RNF220: variants seen among roughly 807,000 people sequenced by gnomAD.
RNF220 encodes E3 ubiquitin-protein ligase RNF220.
Under a neutral mutation model 67.1 loss-of-function variants are expected in RNF220, and 7 were observed. The ratio of observed to expected loss-of-function variants is 0.10; its 90% confidence interval spans 0.06 to 0.20. The LOEUF (loss-of-function observed/expected upper bound fraction) is 0.20. Ranked by LOEUF, RNF220 falls within the 10% of genes least tolerant of loss-of-function variation. The probability of loss-of-function intolerance (pLI) is 1.00; values close to 1 mark genes in which losing one functional copy is unlikely to be tolerated. For missense variants in RNF220, 565 were observed against 740.3 expected, an observed-to-expected ratio of 0.76 and a Z score of 2.75; for synonymous variants, 270 against 283.2, an observed-to-expected ratio of 0.95 and a Z score of 0.47.
At chr1:44,579,908 G>A (rs981445167) in intron 2 of RNF220, among the ~76,000 whole-genome samples, 1 of 151,524 alleles carries the variant, frequency 6.6e-6, no homozygotes. Flanking sequence ...GCGTGCATCT[G>A]TAGTCCCAGC....
chr1:44,503,795 G>A (rs12092359), intron 2 of RNF220, among the ~76,000 whole-genome samples: 8 of 152,186 alleles, frequency 5.3e-5, no homozygotes, highest in Middle Eastern at 3.4e-3. Flanking sequence ...ATCCTCAGGC[G>A]CCACCCTAGG....
At chr1:44,609,558 G>A (rs1466872983) in intron 2 of RNF220, among the ~76,000 whole-genome samples, 1 of 152,204 alleles carries the variant, frequency 6.6e-6, no homozygotes, top group Admixed American at 6.5e-5. Context: ...TGTGGAAGAT[G>A]GCAGGGAAGG....
chr1:44,569,262 G>T lies in RNF220; in HGVS notation c.626-44903G>T, dbSNP rs529049907. Among the ~76,000 whole-genome samples, 9 of 152,206 alleles carry T rather than the reference G, an allele frequency of 5.9e-5. No individual in the cohort carries two copies. The East Asian group carries it at 1.3e-3, about 23-fold the overall frequency. On this transcript the variant is annotated intron_variant, in intron 2 of 14. Coordinates refer to ENST00000361799, the MANE Select transcript of RNF220 (RefSeq NM_018150.4). ...TTATTATAAAGAATTATTGCCATTA[G>T]TACGTCTTTCCTACTGAAAGGAGAA...
intron 2 of RNF220, among the ~76,000 whole-genome samples, chr1:44,464,375 G>A (rs1174708142): frequency 1.3e-5 from 2 of 152,228 alleles, no homozygotes; most frequent in Non-Finnish European, 2.9e-5. Flanking sequence ...AGAAGCCCAA[G>A]AGACCAAGGC....
rs758955125 is a variant in RNF220, at chr1:44,645,236, C to T, written c.1326C>T (p.Ser442=). 22 of 1,614,118 alleles carry T rather than the reference C, an allele frequency of 1.4e-5. No individual in the cohort carries two copies. Among genetic ancestry groups the T allele is most frequent in the Non-Finnish European group, 1.7e-5 (20 of 1,180,030 alleles). ...TTTCCTCCAGTGGCGGCCCTCCCAG[C>T]ACGCGCATCACACCTGAGTTCTCTA... is the stretch of plus-strand genomic sequence containing the variant. The part of the protein sequence containing the change: ...RGAVLNGGPP[S]TRITPEFSKW... The change falls in exon 11 of 15, where the codon AGC becomes AGT. Residue 442 remains serine (S), a synonymous_variant. Transcript: ENST00000361799. This position sits in a 1 kb window ranked among gnomAD's most constrained non-coding sequence, Gnocchi z 5.0.
At position 44,469,197 on chromosome 1, in the gene RNF220, C is replaced by T. The variant is rs116075680; in HGVS notation, c.625+56475C>T. ...GGGAATCCTTTGGAGAAGAATTGAACTCTATTATTAGATGTGTTTAAGTAG... is the reference window on the plus strand; with the variant it reads ...GGGAATCCTTTGGAGAAGAATTGAATTCTATTATTAGATGTGTTTAAGTAG... On this transcript the variant is annotated intron_variant, in intron 2 of 14. Transcript: ENST00000361799. Among the ~76,000 whole-genome samples, 607 of 152,278 alleles carry T rather than the reference C, an allele frequency of 4.0e-3. 5 individuals carry two copies. Among genetic ancestry groups the T allele is most frequent in the African/African-American group, 0.014 (585 of 41,562 alleles).
chr1:44,545,023 C>T (rs921935431), intron 2 of RNF220, among the ~76,000 whole-genome samples: 2 of 152,202 alleles, frequency 1.3e-5, no homozygotes, highest in Non-Finnish European at 2.9e-5. Flanking sequence ...GGAATAGAGC[C>T]ACAAACAAAG....
chr1:44,423,019 G>A (rs1171967503), intron 2 of RNF220, among the ~76,000 whole-genome samples: 1 of 152,208 alleles, frequency 6.6e-6, no homozygotes, highest in Non-Finnish European at 1.5e-5. Context: ...ATAGACTGAT[G>A]TGCAAGATAG....
chr1:44,597,494 A>G (rs1169985344), intron 2 of RNF220, among the ~76,000 whole-genome samples: 1 of 150,636 alleles, frequency 6.6e-6, no homozygotes, highest in East Asian at 2.0e-4. Context: ...ACACACACAC[A>G]CACACACACA....
chr1:44,543,834 G>A (rs1661888583), intron 2 of RNF220, among the ~76,000 whole-genome samples: 1 of 152,146 alleles, frequency 6.6e-6, no homozygotes, highest in African/African-American at 2.4e-5. Context: ...CCTGCCAAAT[G>A]GAAAAACCAA....
chr1:44,549,413 A>G (rs1188988907), intron 2 of RNF220, among the ~76,000 whole-genome samples: 1 of 152,042 alleles, frequency 6.6e-6, no homozygotes, highest in African/African-American at 2.4e-5. Flanking sequence ...TTCTCTCTCC[A>G]CCTTTTCTGT....
At chr1:44,629,128 G>A (rs1041415945) in intron 5 of RNF220, among the ~76,000 whole-genome samples, 2 of 152,246 alleles carry the variant, frequency 1.3e-5, no homozygotes, top group African/African-American at 4.8e-5. Context: ...TCATCCTCCA[G>A]TATGTTCAAT....
At chr1:44,531,708 G>A (rs1660847486) in intron 2 of RNF220, among the ~76,000 whole-genome samples, 1 of 152,184 alleles carries the variant, frequency 6.6e-6, no homozygotes, top group African/African-American at 2.4e-5. Flanking sequence ...GGTCAGAAGA[G>A]CCCTTCAAGA....
At chr1:44,413,187 A>C (rs1408791187) in intron 2 of RNF220, among the ~76,000 whole-genome samples, 1 of 152,066 alleles carries the variant, frequency 6.6e-6, no homozygotes, top group Admixed American at 6.6e-5. Context: ...ACGTGATTCT[A>C]TTTTCACAAC....
chr1:44,614,393 C>A (rs1302580552), intron 3 of RNF220, 96 bp downstream of exon 3: 20 of 1,413,536 alleles, frequency 1.4e-5, no homozygotes, highest in Non-Finnish European at 1.7e-5. Context: ...ATACCCCAGC[C>A]CCTCGGGAAA....
intron 2 of RNF220, among the ~76,000 whole-genome samples, chr1:44,496,587 G>T (rs967168338): frequency 6.6e-6 from 1 of 152,190 alleles, no homozygotes; most frequent in Non-Finnish European, 1.5e-5. Context: ...ATGCCCCGGC[G>T]TAGGAAAGGG....
intron 2 of RNF220, among the ~76,000 whole-genome samples, chr1:44,579,786 C>T (rs1037435474): frequency 6.6e-6 from 1 of 151,918 alleles, no homozygotes; most frequent in African/African-American, 2.4e-5. Context: ...CTCAAGCCTT[C>T]GGGAGGCTGA....
In RNF220 at chr1:44,622,591, T is replaced by G. The variant is rs1321632198; in HGVS notation, c.759-151T>G. On this transcript the variant is annotated intron_variant, in intron 3 of 14. Coordinates refer to ENST00000361799, the MANE Select transcript of RNF220 (RefSeq NM_018150.4). The surrounding 1 kb of genome is among the most constrained non-coding windows in gnomAD (Gnocchi z 4.3). ...CAGCCCATGAGAGAGGCTGGGCCAC[T>G]GGGATTGAAAGGACTGGGTGGAGCT... is the stretch of plus-strand genomic sequence containing the variant. 1 of 658,524 alleles carries G rather than the reference T, an allele frequency of 1.5e-6. No individual in the cohort carries two copies. The highest frequency in any genetic ancestry group is 2.7e-5 in the East Asian group (1 of 36,754). The allele number at this position is 658,524 out of a possible 1,614,324, so 40.8% of individuals were successfully genotyped here. A position where few individuals can be genotyped will look rare whatever the true frequency, so the allele number is the denominator to read the frequency against.
At chr1:44,562,263 A>T (rs1158029278) in intron 2 of RNF220, among the ~76,000 whole-genome samples, 1 of 152,150 alleles carries the variant, frequency 6.6e-6, no homozygotes, top group Non-Finnish European at 1.5e-5. Context: ...TGTCCATTTC[A>T]CAAGGAGGGG....
Sources: gnomAD v4.1 joint callset for allele counts (sites outside exome capture counted in the v4.1 genomes callset) on GRCh38, gnomAD v4.1.1 for gene constraint, Gnocchi (gnomAD v3.1) non-coding constraint, MANE v1.5 for transcripts, NCBI Gene and HGNC (gene_info 2026-07-23, HGNC 2026-07-21) for gene names.